The following PSD3 variants were observed in gnomAD, a reference collection of about 807,000 sequenced individuals.
PSD3 encodes PH and SEC7 domain-containing protein 3.
A neutral mutation model predicts 105.5 loss-of-function variants in PSD3; 49 were observed. The ratio of observed to expected loss-of-function variants is 0.46; its 90% CI spans 0.37 to 0.59. PSD3 has a LOEUF of 0.59. Among genes scored for constraint, PSD3 ranks in the 20% least tolerant of loss-of-function variants. PSD3 has a pLI of 0.00. For synonymous variants in PSD3, 557 were observed against 457.8 expected, an observed-to-expected ratio of 1.22 and a Z score of -2.77; for missense variants, 1,561 against 1,263.8, an observed-to-expected ratio of 1.24 and a Z score of -3.57.
chr8:18,541,495 T>C (rs1800147704), intron 15 of PSD3, among the ~76,000 whole-genome samples: 1 of 152,124 alleles, frequency 6.6e-6, no homozygotes, highest in East Asian at 1.9e-4. Context: ...TCCAATGATG[T>C]TTTTCACAAA....
intron 4 of PSD3, chr8:18,849,426 C>T (rs1028803004): frequency 2.0e-5 from 3 of 152,172 alleles, no homozygotes; most frequent in African/African-American, 7.2e-5. Context: ...TCATATCAGC[C>T]GAGATGTAAA....
intron 2 of PSD3, among the ~76,000 whole-genome samples, chr8:18,934,228 G>C (rs1272247142): frequency 6.6e-6 from 1 of 152,156 alleles, no homozygotes; most frequent in Non-Finnish European, 1.5e-5. Flanking sequence ...TATGTATTAA[G>C]TCAGATTCTT....
At position 18,527,998 on chromosome 8, in the gene PSD3, T is replaced by G. The variant is rs2129831420; in HGVS notation, c.*7745A>C. The stretch of plus-strand genomic sequence containing the variant: ...AGAAATGTTCCACAATGCCAATTAG[T>G]TTGAGCCACAGTGAATATAACTCAG... On this transcript the variant is annotated 3_prime_UTR_variant, in exon 16 of 16. Coordinates refer to ENST00000327040, the MANE Select transcript of PSD3 (RefSeq NM_015310.4). The G allele has an allele frequency of 6.6e-6, 1 of 152,334 alleles. No individual in the cohort carries two copies. The highest frequency in any genetic ancestry group is 2.1e-4 in the South Asian group (1 of 4,830). The allele number at this position is 152,334 out of a possible 1,614,324, so 9.4% of individuals were successfully genotyped here. A position where few individuals can be genotyped will look rare whatever the true frequency, so the allele number is the denominator to read the frequency against.
chr8:19,035,429 T>C (rs887310856), intron 1 of PSD3, among the ~76,000 whole-genome samples: 4 of 152,226 alleles, frequency 2.6e-5, no homozygotes, highest in Non-Finnish European at 5.9e-5. Context: ...TTATCATAAA[T>C]GGCACAGTGT....
chr8:18,528,542 G>A lies in PSD3; in HGVS notation c.*7201C>T, dbSNP rs1428546581. 2 of 152,252 alleles carry A rather than the reference G, an allele frequency of 1.3e-5. No homozygotes were observed. Among genetic ancestry groups the A allele is most frequent in the African/African-American group, 4.8e-5 (2 of 41,446 alleles). 9.4% of individuals were successfully genotyped at this position (152,252 alleles called of 1,614,324 possible). On this transcript the variant is annotated 3_prime_UTR_variant, in exon 16 of 16. Transcript: ENST00000327040. Reference sequence around the variant, plus strand: ...CAGGGGAAGTGGCATTTGAAACCCAGGCTGTCCTTGCTGCTCAGTAGAAGC... The same window carrying A: ...CAGGGGAAGTGGCATTTGAAACCCAAGCTGTCCTTGCTGCTCAGTAGAAGC...
chr8:19,012,866 A>G (rs1827018498), intron 1 of PSD3, among the ~76,000 whole-genome samples: 1 of 152,206 alleles, frequency 6.6e-6, no homozygotes, highest in African/African-American at 2.4e-5. Flanking sequence ...TGTCTAGAAA[A>G]TGAAATCGTG....
chr8:18,639,403 T>C (rs570198397), intron 10 of PSD3, among the ~76,000 whole-genome samples: 8 of 152,292 alleles, frequency 5.3e-5, no homozygotes, highest in Non-Finnish European at 1.0e-4. Flanking sequence ...TAGTCCACCA[T>C]TGTGCCCCAT....
chr8:18,635,826 T>C (rs1331444640), intron 10 of PSD3, among the ~76,000 whole-genome samples: 2 of 151,404 alleles, frequency 1.3e-5, no homozygotes, highest in African/African-American at 4.9e-5. Flanking sequence ...TAAGTGAAAG[T>C]TGAACAATGA....
chr8:18,804,846 T>G lies in PSD3; in HGVS notation c.1687A>C (p.Thr563Pro). 6.2e-7 allele frequency: 1 copy of G among 1,613,496 alleles called. No individual in the cohort carries two copies. The highest frequency in any genetic ancestry group is 1.1e-5 in the South Asian group (1 of 91,070). Residue 563 changes from threonine (T) to proline (P), a missense_variant, in exon 5 of 16, where the codon ACT (threonine) becomes CCT (proline). Transcript: ENST00000327040. ...GGGGTCTCCTTTTCCAAAATTTCAG[T>G]GCTCCCCATTTCAGAATGAGCTTCT... ...RLEAHSEMGS[T>P]EILEKETPEN...
At chr8:18,661,192 C>G (rs1167317300) in intron 9 of PSD3, among the ~76,000 whole-genome samples, 1 of 152,078 alleles carries the variant, frequency 6.6e-6, no homozygotes, top group Non-Finnish European at 1.5e-5. Context: ...CTCTGTGGTT[C>G]CTGAATCATT....
chr8:18,896,808 T>G (rs948049941), intron 2 of PSD3, among the ~76,000 whole-genome samples: 2 of 151,956 alleles, frequency 1.3e-5, no homozygotes, highest in African/African-American at 2.4e-5. Flanking sequence ...GTTTTGTCTT[T>G]TTTTGTTTTG....
At chr8:18,564,602 C>A (rs1801613931) in intron 14 of PSD3, among the ~76,000 whole-genome samples, 1 of 145,918 alleles carries the variant, frequency 6.9e-6, no homozygotes, top group African/African-American at 2.6e-5. Flanking sequence ...GCACTCCAGC[C>A]TGGGTGATAG....
intron 8 of PSD3, among the ~76,000 whole-genome samples, chr8:18,787,243 T>G (rs1386096877): frequency 6.6e-6 from 1 of 152,246 alleles, no homozygotes; most frequent in Non-Finnish European, 1.5e-5. Flanking sequence ...TGTTGACCAG[T>G]TGCATGCCAA....
At chr8:18,588,377 C>T (rs1803350692) in intron 12 of PSD3, among the ~76,000 whole-genome samples, 1 of 152,064 alleles carries the variant, frequency 6.6e-6, no homozygotes, top group African/African-American at 2.4e-5. Flanking sequence ...GCAAGGTTTC[C>T]AGGAACATAT....
intron 2 of PSD3, among the ~76,000 whole-genome samples, chr8:18,894,756 T>A (rs1285720564): frequency 6.6e-6 from 1 of 152,068 alleles, no homozygotes; most frequent in Non-Finnish European, 1.5e-5. Context: ...TCCCACCCTA[T>A]GATAATAACG....
At chr8:18,916,811 G>A (rs1820641898) in intron 2 of PSD3, among the ~76,000 whole-genome samples, 1 of 151,788 alleles carries the variant, frequency 6.6e-6, no homozygotes, top group Non-Finnish European at 1.5e-5. Flanking sequence ...ACGAATATAT[G>A]TATGAAGATA....
At chr8:18,771,849 A>C (rs1269377200) in intron 8 of PSD3, among the ~76,000 whole-genome samples, 1 of 152,130 alleles carries the variant, frequency 6.6e-6, no homozygotes, top group Non-Finnish European at 1.5e-5. Context: ...TTTTCACCTC[A>C]CTAATCTCAA....
At chr8:18,784,495 GT>G (rs1363093364) in intron 8 of PSD3, among the ~76,000 whole-genome samples, 1 of 152,074 alleles carries the variant, frequency 6.6e-6, no homozygotes, top group Non-Finnish European at 1.5e-5. Flanking sequence ...GCTCATACAG[GT>G]TAAGGGCTCA....
chr8:18,946,070 G>A (rs1822837125), intron 1 of PSD3, among the ~76,000 whole-genome samples: 1 of 152,148 alleles, frequency 6.6e-6, no homozygotes, highest in Non-Finnish European at 1.5e-5. Context: ...ATAATCACAA[G>A]ACTAACATGT....
Sources: allele counts gnomAD v4.1 joint callset (sites outside exome capture counted in the v4.1 genomes callset), GRCh38; gene constraint gnomAD v4.1.1; transcripts MANE v1.5; gene names NCBI Gene and HGNC (gene_info 2026-07-23, HGNC 2026-07-21).